The following CLSTN2 variants were observed in gnomAD, a reference collection of about 807,000 sequenced individuals.
CLSTN2 encodes the protein calsyntenin-2.
In CLSTN2, 48 loss-of-function variants were observed where a neutral mutation model predicts 101.2. The ratio of observed to expected loss-of-function variants is 0.47; its 90% CI spans 0.38 to 0.60. The LOEUF (loss-of-function observed/expected upper bound fraction) is 0.60, where lower values mean the gene tolerates loss of function less well. Ranked by LOEUF, CLSTN2 falls within the 20% of genes least tolerant of loss-of-function variation. The pLI is 0.00. For synonymous variants in CLSTN2, 481 were observed against 463.6 expected, an observed-to-expected ratio of 1.04 and a Z score of -0.48; for missense variants, 1,160 against 1,238.2, an observed-to-expected ratio of 0.94 and a Z score of 0.95.
In CLSTN2 at chr3:140,483,052, T is replaced by C. The variant is rs367949311; in HGVS notation, c.1344+16321T>C. On this transcript the variant is annotated intron_variant, in intron 8 of 16. Transcript: ENST00000458420. ...GTGATGTTAGGGCGTCAATTTTAGATCTTTCTTGCTTTCTCTTGTGGGCAT... is the reference window on the plus strand; with the variant it reads ...GTGATGTTAGGGCGTCAATTTTAGACCTTTCTTGCTTTCTCTTGTGGGCAT... Among the ~76,000 whole-genome samples, 28 of 152,356 alleles carry C rather than the reference T, an allele frequency of 1.8e-4. 1 individual carries two copies. In the East Asian group the frequency reaches 3.5e-3, roughly 19 times the overall value.
In CLSTN2 at chr3:140,403,580, G is replaced by A. The variant is rs41265457; in HGVS notation, c.233-49G>A. ...TGGTCCAATGGAAGCACTGTCTTCAGTCTGGCAATTCTCAGGATTCCCACT... is the reference window on the plus strand; with the variant it reads ...TGGTCCAATGGAAGCACTGTCTTCAATCTGGCAATTCTCAGGATTCCCACT... On this transcript the variant is annotated intron_variant, in intron 2 of 16. Transcript: ENST00000458420. The A allele has an allele frequency of 3.0e-3, 4,407 of 1,477,860 alleles. 7 individuals are homozygous for A. Among genetic ancestry groups the A allele is most frequent in the Middle Eastern group, 6.5e-3 (36 of 5,520 alleles). 91.5% of individuals were successfully genotyped at this position (1,477,860 alleles called of 1,614,324 possible).
chr3:140,331,140 A>G (rs1389486173), intron 2 of CLSTN2, among the ~76,000 whole-genome samples: 2 of 152,186 alleles, frequency 1.3e-5, no homozygotes. Flanking sequence ...GAGAGCCCCC[A>G]GGAGGTTGCT....
At chr3:140,124,994 C>T (rs937538879) in intron 1 of CLSTN2, among the ~76,000 whole-genome samples, 2 of 152,110 alleles carry the variant, frequency 1.3e-5, no homozygotes, top group Non-Finnish European at 2.9e-5. Flanking sequence ...GGCAATGTTT[C>T]AAGAGAGCCA....
intron 2 of CLSTN2, among the ~76,000 whole-genome samples, chr3:140,340,385 C>T (rs2087480932): frequency 6.6e-6 from 1 of 152,162 alleles, no homozygotes; most frequent in Non-Finnish European, 1.5e-5. Context: ...GTAGAATAAC[C>T]TTTATCTGGG....
intron 2 of CLSTN2, among the ~76,000 whole-genome samples, chr3:140,228,608 T>G (rs2086343893): frequency 6.6e-6 from 1 of 152,222 alleles, no homozygotes; most frequent in Admixed American, 6.5e-5. Context: ...ATTAGTTCAT[T>G]TTCATGCTGC....
intron 1 of CLSTN2, among the ~76,000 whole-genome samples, chr3:140,165,552 G>A (rs951762279): frequency 2.0e-5 from 3 of 152,132 alleles, no homozygotes; most frequent in African/African-American, 2.4e-5. Flanking sequence ...GAGGGCAACC[G>A]GGGGAGGGGA....
chr3:140,272,565 C>T (rs1031461517), intron 2 of CLSTN2, among the ~76,000 whole-genome samples: 1 of 152,164 alleles, frequency 6.6e-6, no homozygotes, highest in Non-Finnish European at 1.5e-5. Context: ...GCCTGGCCAA[C>T]ATGCCAAAAT....
At chr3:139,976,519 C>G (rs1560059476) in intron 1 of CLSTN2, among the ~76,000 whole-genome samples, 1 of 152,162 alleles carries the variant, frequency 6.6e-6, no homozygotes, top group Non-Finnish European at 1.5e-5. Flanking sequence ...AACAACTTGC[C>G]CCAAGCCACT....
At position 140,451,139 on chromosome 3, in the gene CLSTN2, C is replaced by T. The variant is rs563300353; in HGVS notation, c.973+2435C>T. 8.5e-5 allele frequency among the ~76,000 whole-genome samples: 13 copies of T among 152,312 alleles called. No homozygotes were observed. In the South Asian group the frequency reaches 2.5e-3, roughly 29 times the overall value. The stretch of plus-strand genomic sequence containing the variant: ...CCCCAGGCCACTGTGGGTTAGTTAG[C>T]ATCGTTTCCTAAACTCCTCCAGGTT... On this transcript the variant is annotated intron_variant, in intron 6 of 16. Coordinates refer to ENST00000458420, the MANE Select transcript of CLSTN2 (RefSeq NM_022131.3).
intron 8 of CLSTN2, among the ~76,000 whole-genome samples, chr3:140,487,111 C>G (rs1390788223): frequency 6.6e-6 from 1 of 152,146 alleles, no homozygotes; most frequent in East Asian, 1.9e-4. Flanking sequence ...AGAAAAATCA[C>G]TCTCTATTCA....
intron 2 of CLSTN2, among the ~76,000 whole-genome samples, chr3:140,198,677 A>G (rs1373965958): frequency 6.6e-6 from 1 of 152,220 alleles, no homozygotes; most frequent in African/African-American, 2.4e-5. Flanking sequence ...AGTGGATCTA[A>G]TAGTAAGTAT....
chr3:140,298,842 G>C lies in CLSTN2; in HGVS notation c.233-104787G>C, dbSNP rs114085670. ...CAAAATTGGAGTGAAGAGGCATGAG[G>C]GTAGAAACCCACCTTGAAGAGGCAA... On this transcript the variant is annotated intron_variant, in intron 2 of 16. Transcript: ENST00000458420. Among the ~76,000 whole-genome samples, 1,497 of 152,278 alleles carry C rather than the reference G, an allele frequency of 9.8e-3. 13 individuals carry two copies. The highest frequency in any genetic ancestry group is 0.016 in the Non-Finnish European group (1,116 of 68,008).
intron 1 of CLSTN2, among the ~76,000 whole-genome samples, chr3:140,173,106 C>T (rs1355080752): frequency 6.6e-6 from 1 of 152,156 alleles, no homozygotes; most frequent in African/African-American, 2.4e-5. Flanking sequence ...AGGCAAGTCC[C>T]CTCTGCCTAT....
At chr3:140,328,282 G>A (rs78054829) in intron 2 of CLSTN2, among the ~76,000 whole-genome samples, 4 of 152,192 alleles carry the variant, frequency 2.6e-5, no homozygotes, top group Non-Finnish European at 1.5e-5. Context: ...CACACACCAC[G>A]ATAATCAGCA....
At chr3:140,532,538 A>G in intron 9 of CLSTN2, 52 bp downstream of exon 9, 2 of 1,498,362 alleles carry the variant, frequency 1.3e-6, no homozygotes, top group Non-Finnish European at 1.8e-6. Context: ...TAGTTCTTGG[A>G]AGATACTTGT....
intron 1 of CLSTN2, among the ~76,000 whole-genome samples, chr3:139,993,507 G>T (rs1363158348): frequency 6.6e-6 from 1 of 152,190 alleles, no homozygotes; most frequent in East Asian, 1.9e-4. Flanking sequence ...GTGGCTAAAA[G>T]ATGATCAAAT....
At chr3:139,969,834 C>T (rs1935663752) in intron 1 of CLSTN2, among the ~76,000 whole-genome samples, 1 of 152,154 alleles carries the variant, frequency 6.6e-6, no homozygotes, top group Non-Finnish European at 1.5e-5. Context: ...CTCTCTTAAA[C>T]CCTGTACCCC....
chr3:140,398,975 A>G (rs891097319), intron 2 of CLSTN2, among the ~76,000 whole-genome samples: 5 of 152,188 alleles, frequency 3.3e-5, no homozygotes, highest in Admixed American at 1.3e-4. Flanking sequence ...GCAGGGGCTC[A>G]TCTTCTGGTC....
intron 2 of CLSTN2, among the ~76,000 whole-genome samples, chr3:140,309,456 C>T (rs966777191): frequency 6.6e-5 from 10 of 152,118 alleles, no homozygotes; most frequent in African/African-American, 2.4e-4. Flanking sequence ...GAAAAGGAGG[C>T]AGGTACCCCA....
Sources: allele counts gnomAD v4.1 joint callset (sites outside exome capture counted in the v4.1 genomes callset), GRCh38; gene constraint gnomAD v4.1.1; transcripts MANE v1.5; gene names NCBI Gene and HGNC (gene_info 2026-07-23, HGNC 2026-07-21).